NKAIN2: variants seen among roughly 807,000 people sequenced by gnomAD.
NKAIN2 encodes the protein sodium/potassium transporting ATPase interacting 2.
NKAIN2 carries 14 observed loss-of-function variants against 32.6 expected under a neutral mutation model. The ratio of observed to expected loss-of-function variants is 0.43; its 90% CI spans 0.28 to 0.67. The LOEUF (loss-of-function observed/expected upper bound fraction) is 0.67. Among genes scored for constraint, NKAIN2 ranks in the 30% least tolerant of loss-of-function variants. NKAIN2 has a pLI of 0.17. For missense variants in NKAIN2, 198 were observed against 258.3 expected (o/e 0.77, Z 1.60); for synonymous variants, 80 against 87.2 (o/e 0.92, Z 0.46).
intron 6 of NKAIN2, 34 bp from the exon 7 acceptor site, chr6:124,823,186 C>T (rs539566775): frequency 6.7e-7 from 1 of 1,496,900 alleles, no homozygotes; most frequent in East Asian, 2.3e-5. Flanking sequence ...TGTCACTTTC[C>T]CCCTTGACTA....
Position 123,804,175 on chromosome 6 carries a change from T to C in NKAIN2, c.-26T>C, listed in dbSNP as rs1186400152. On this transcript the variant is annotated 5_prime_UTR_variant, in exon 1 of 7. Transcript: ENST00000368417. ...CGACGGTGGCCGACGTGGGACAGTCTGGCTGTGGCAGGGGTCTCGGAAACC... is the reference window on the plus strand; with the variant it reads ...CGACGGTGGCCGACGTGGGACAGTCCGGCTGTGGCAGGGGTCTCGGAAACC... 1 of 1,611,454 alleles carries C rather than the reference T, an allele frequency of 6.2e-7. No homozygotes were observed. The highest frequency in any genetic ancestry group is 8.5e-7 in the Non-Finnish European group (1 of 1,177,888).
chr6:124,196,962 T>G (rs932572711), intron 1 of NKAIN2, among the ~76,000 whole-genome samples: 1 of 151,938 alleles, frequency 6.6e-6, no homozygotes, highest in East Asian at 1.9e-4. Flanking sequence ...ATTCCTAGTT[T>G]CATTAAGGAA....
At chr6:123,958,363 C>A (rs961377928) in intron 1 of NKAIN2, among the ~76,000 whole-genome samples, 1 of 152,196 alleles carries the variant, frequency 6.6e-6, no homozygotes, top group African/African-American at 2.4e-5. Flanking sequence ...GGCAGGATGC[C>A]CCAGGGACAG....
At chr6:124,306,784 C>T (rs2114990494) in intron 2 of NKAIN2, among the ~76,000 whole-genome samples, 2 of 152,254 alleles carry the variant, frequency 1.3e-5, no homozygotes, top group African/African-American at 2.4e-5. Flanking sequence ...ACAAGTCAAT[C>T]TTAATGGCCA....
intron 4 of NKAIN2, among the ~76,000 whole-genome samples, chr6:124,746,779 C>T (rs182769029): frequency 8.6e-5 from 13 of 151,942 alleles, no homozygotes; most frequent in Admixed American, 3.3e-4. Flanking sequence ...CTTCTAGACT[C>T]GGTTCTACCA....
intron 1 of NKAIN2, among the ~76,000 whole-genome samples, chr6:124,115,730 A>G (rs1298792068): frequency 6.6e-6 from 1 of 152,132 alleles, no homozygotes; most frequent in Non-Finnish European, 1.5e-5. Context: ...ACCATCAGTT[A>G]CACCATATAC....
intron 1 of NKAIN2, among the ~76,000 whole-genome samples, chr6:124,189,798 G>A (rs1214626935): frequency 6.6e-6 from 1 of 152,196 alleles, no homozygotes; most frequent in African/African-American, 2.4e-5. Context: ...GGTAATTAGT[G>A]CCTTTTTACA....
chr6:123,873,888 A>C (rs766035753), intron 1 of NKAIN2, among the ~76,000 whole-genome samples: 62 of 152,078 alleles, frequency 4.1e-4, no homozygotes, highest in Non-Finnish European at 6.0e-4. Context: ...GTTCATTCAG[A>C]CCTTTGTGCT....
chr6:124,700,039 T>C (rs1337869), intron 4 of NKAIN2, among the ~76,000 whole-genome samples: 27,235 of 152,124 alleles, frequency 0.18, 2,869 homozygotes, highest in East Asian at 0.46. Flanking sequence ...CAGAATTCTC[T>C]GCTCAGAAAA....
At chr6:124,010,441 T>G (rs2114733361) in intron 1 of NKAIN2, among the ~76,000 whole-genome samples, 1 of 151,728 alleles carries the variant, frequency 6.6e-6, no homozygotes, top group South Asian at 2.1e-4. Context: ...GATAACATAA[T>G]AATTTTGTAT....
chr6:123,945,480 A>G (rs1777022691), intron 1 of NKAIN2, among the ~76,000 whole-genome samples: 1 of 152,232 alleles, frequency 6.6e-6, no homozygotes, highest in African/African-American at 2.4e-5. Flanking sequence ...ATTGCCCTCT[A>G]AAGTTCCTCA....
At chr6:123,949,031 T>C (rs1777207476) in intron 1 of NKAIN2, among the ~76,000 whole-genome samples, 1 of 152,060 alleles carries the variant, frequency 6.6e-6, no homozygotes, top group Non-Finnish European at 1.5e-5. Flanking sequence ...CTTTCCACAA[T>C]GTATGTTCTT....
At chr6:123,883,167 C>T (rs1320026481) in intron 1 of NKAIN2, among the ~76,000 whole-genome samples, 3 of 151,904 alleles carry the variant, frequency 2.0e-5, no homozygotes, top group Non-Finnish European at 4.4e-5. Context: ...TTTTTTGAGA[C>T]GGAGTCTTGC....
intron 1 of NKAIN2, among the ~76,000 whole-genome samples, chr6:124,163,404 A>T (rs540649465): frequency 7.4e-6 from 1 of 135,998 alleles, no homozygotes; most frequent in African/African-American, 3.1e-5. Context: ...TCTCATTGAT[A>T]TTTTTTTGTT....
intron 1 of NKAIN2, among the ~76,000 whole-genome samples, chr6:124,148,693 T>G (rs891459239): frequency 6.6e-6 from 1 of 152,188 alleles, no homozygotes; most frequent in African/African-American, 2.4e-5. Flanking sequence ...TGTATGAATG[T>G]GCCATAGTTT....
At chr6:123,934,543 T>A (rs1020451232) in intron 1 of NKAIN2, among the ~76,000 whole-genome samples, 2 of 152,184 alleles carry the variant, frequency 1.3e-5, no homozygotes, top group African/African-American at 4.8e-5. Flanking sequence ...TTTATGTGCA[T>A]GTTCTTTCTT....
At chr6:124,031,587 C>T (rs1781406984) in intron 1 of NKAIN2, among the ~76,000 whole-genome samples, 1 of 152,122 alleles carries the variant, frequency 6.6e-6, no homozygotes, top group Admixed American at 6.6e-5. Flanking sequence ...TTAAATGTGT[C>T]CCAGAGATTC....
chr6:124,590,175 A>G (rs1187775388), intron 3 of NKAIN2, among the ~76,000 whole-genome samples: 2 of 152,156 alleles, frequency 1.3e-5, no homozygotes, highest in Non-Finnish European at 2.9e-5. Flanking sequence ...TAATGGCAGT[A>G]AGATTCTTCC....
At chr6:124,193,762 C>T (rs1414896779) in intron 1 of NKAIN2, among the ~76,000 whole-genome samples, 2 of 151,988 alleles carry the variant, frequency 1.3e-5, no homozygotes, top group Non-Finnish European at 2.9e-5. Context: ...GGTAGAGCAG[C>T]ACAAAGGAGA....
Sources: gnomAD v4.1 joint callset for allele counts (sites outside exome capture counted in the v4.1 genomes callset) on GRCh38, gnomAD v4.1.1 for gene constraint, MANE v1.5 for transcripts, NCBI Gene and HGNC (gene_info 2026-07-23, HGNC 2026-07-21) for gene names.